Variants in INSC observed in about 807,000 individuals in gnomAD.
INSC encodes INSC spindle orientation adaptor protein.
In INSC, 67 loss-of-function variants were observed where a neutral mutation model predicts 58.6. The ratio of observed to expected loss-of-function variants is 1.14; its 90% confidence interval spans 0.94 to 1.40. The LOEUF is 1.40. INSC is among the 40% of genes most tolerant of loss of function. The pLI is 0.00. For synonymous variants in INSC, 262 were observed against 276.1 expected (o/e 0.95, Z 0.51); for missense variants, 714 against 692.0 (o/e 1.03, Z -0.36).
At position 15,190,809 on chromosome 11, in the gene INSC, G is replaced by A. The variant is rs574753030; in HGVS notation, c.688G>A (p.Ala230Thr). ...GGGGGCTCCCTTGTGCCGCATCATAGCCAAGGTGAGCTTCATGGTTAGGGA... is the reference window on the plus strand; with the variant it reads ...GGGGGCTCCCTTGTGCCGCATCATAACCAAGGTGAGCTTCATGGTTAGGGA... ...QEGAPLCRII[A>T]KEGGVVALFK... Residue 230 changes from alanine (A) to threonine (T), a missense_variant, in exon 6 of 13, where the codon GCC becomes ACC. By Grantham distance (58) the Ala-to-Thr change is moderately conservative. Coordinates refer to ENST00000379556, the MANE Select transcript of INSC (RefSeq NM_001042536.3). 5.6e-6 allele frequency: 9 copies of A among 1,610,032 alleles called. No individual in the cohort carries two copies. The South Asian group carries it at 6.6e-5, about 12-fold the overall frequency.
downstream of INSC, among the ~76,000 whole-genome samples, chr11:15,251,629 G>T (rs976946157): frequency 1.3e-5 from 2 of 152,178 alleles, no homozygotes; most frequent in African/African-American, 4.8e-5. Flanking sequence ...CATAGAAATG[G>T]TAAAAAGGTA....
At chr11:15,156,404 C>T (rs1714347) in intron 2 of INSC, among the ~76,000 whole-genome samples, 116,398 of 152,048 alleles carry the variant, frequency 0.77, 45,428 homozygotes, top group Non-Finnish European at 0.85. Context: ...TCAAAGAGCA[C>T]AGCATAATAA....
At chr11:15,148,986 T>G in intron 1 of INSC, 144 bp from the exon 2 acceptor site, 1 of 977,920 alleles carries the variant, frequency 1.0e-6, no homozygotes, top group Non-Finnish European at 1.4e-6. Flanking sequence ...GATACTGGAG[T>G]GTAAACTGGT....
intron 2 of INSC, among the ~76,000 whole-genome samples, chr11:15,171,772 T>G (rs1208048565): frequency 6.6e-6 from 1 of 152,232 alleles, no homozygotes; most frequent in Non-Finnish European, 1.5e-5. Context: ...ACTCCCCAAG[T>G]GATCCTGGAG....
intron 1 of INSC, among the ~76,000 whole-genome samples, chr11:15,140,599 CTT>C (rs1848347375): frequency 8.8e-6 from 1 of 113,764 alleles, no homozygotes; most frequent in East Asian, 2.6e-4. Context: ...TTTTTTTTTT[CTT>C]TTAGAGGTAG....
intron 1 of INSC, among the ~76,000 whole-genome samples, chr11:15,120,881 G>T (rs183708835): frequency 3.4e-4 from 51 of 152,026 alleles, no homozygotes; most frequent in African/African-American, 1.1e-3. Context: ...ACTTATATAA[G>T]AAATCTCTCT....
intron 9 of INSC, among the ~76,000 whole-genome samples, chr11:15,229,193 G>A (rs933804558): frequency 4.9e-4 from 74 of 152,054 alleles, no homozygotes; most frequent in Admixed American, 1.7e-3. Context: ...ACTTTTTGTG[G>A]CCTTCAGGAA....
intron 12 of INSC, among the ~76,000 whole-genome samples, chr11:15,245,344 A>C (rs1945623): frequency 0.7 from 106,606 of 151,996 alleles, 37,760 homozygotes; most frequent in East Asian, 0.86. Flanking sequence ...CATTGGGCTG[A>C]AGATTAAGAA....
intron 9 of INSC, among the ~76,000 whole-genome samples, chr11:15,228,375 G>A (rs1764458342): frequency 6.6e-6 from 1 of 152,198 alleles, no homozygotes; most frequent in Admixed American, 6.5e-5. Flanking sequence ...TGGTTGCGCT[G>A]CCAGCAGATA....
At chr11:15,232,537 G>T (rs7926611) in intron 9 of INSC, among the ~76,000 whole-genome samples, 1 of 152,286 alleles carries the variant, frequency 6.6e-6, no homozygotes, top group Non-Finnish European at 1.5e-5. Context: ...GGGATTAAAG[G>T]CATGAGCTAT....
chr11:15,188,184 C>G (rs920062416), intron 5 of INSC: 1 of 985,230 alleles, frequency 1.0e-6, no homozygotes, highest in Non-Finnish European at 1.2e-6. Context: ...ATTTGCAAGG[C>G]CCCCACTCAC....
At chr11:15,207,759 AT>A (rs535864540) in intron 7 of INSC, among the ~76,000 whole-genome samples, 217 of 152,356 alleles carry the variant, frequency 1.4e-3, no homozygotes, top group Non-Finnish European at 2.5e-3. Context: ...TTTGCAAAAA[AT>A]AAATAAAAAA....
chr11:15,202,188 C>T (rs948976292), intron 7 of INSC, among the ~76,000 whole-genome samples: 5 of 151,758 alleles, frequency 3.3e-5, no homozygotes, highest in Non-Finnish European at 5.9e-5. Flanking sequence ...ACAGAGTGCC[C>T]GCTTCCCACC....
At chr11:15,197,185 A>G (rs1239182535) in intron 6 of INSC, among the ~76,000 whole-genome samples, 1 of 152,224 alleles carries the variant, frequency 6.6e-6, no homozygotes, top group South Asian at 2.1e-4. Flanking sequence ...CAGAGCTGGG[A>G]TTTTAACCAG....
intron 2 of INSC, among the ~76,000 whole-genome samples, chr11:15,172,868 T>G (rs1849446572): frequency 6.8e-6 from 1 of 146,458 alleles, no homozygotes; most frequent in African/African-American, 2.8e-5. Context: ...TCTCTCATCT[T>G]AGCCTCAGGA....
chr11:15,224,144 G>A (rs1412780850), intron 8 of INSC, among the ~76,000 whole-genome samples: 1 of 152,194 alleles, frequency 6.6e-6, no homozygotes, highest in Non-Finnish European at 1.5e-5. Flanking sequence ...TGATAAAAAT[G>A]GGATTGTTGT....
chr11:15,171,058 T>C (rs1243438260), intron 2 of INSC, among the ~76,000 whole-genome samples: 3 of 152,182 alleles, frequency 2.0e-5, no homozygotes, highest in Admixed American at 1.3e-4. Context: ...CCTGTGTGCA[T>C]TGGGGTGGAG....
chr11:15,170,012 A>G (rs889482637), intron 2 of INSC, among the ~76,000 whole-genome samples: 1 of 152,184 alleles, frequency 6.6e-6, no homozygotes, highest in Non-Finnish European at 1.5e-5. Flanking sequence ...CCAGTCCCTG[A>G]TATAAAATTG....
intron 1 of INSC, among the ~76,000 whole-genome samples, chr11:15,144,424 T>C (rs957401304): frequency 4.6e-5 from 7 of 152,204 alleles, no homozygotes; most frequent in African/African-American, 1.7e-4. Context: ...AATGATGGGC[T>C]GACAGGACAG....
Sources: gnomAD v4.1 joint callset for allele counts (sites outside exome capture counted in the v4.1 genomes callset) on GRCh38, gnomAD v4.1.1 for gene constraint, MANE v1.5 for transcripts, NCBI Gene and HGNC (gene_info 2026-07-23, HGNC 2026-07-21) for gene names.